ITPRID2: variants seen among roughly 807,000 people sequenced by gnomAD.
ITPRID2 encodes the protein protein ITPRID2.
Under a neutral mutation model 124.3 loss-of-function variants are expected in ITPRID2, and 60 were observed. The observed-to-expected ratio is 0.48, with a 90% CI of 0.39 to 0.60. ITPRID2 has a LOEUF of 0.60. Ranked by LOEUF, ITPRID2 falls within the 20% of genes least tolerant of loss-of-function variation. The probability of loss-of-function intolerance (pLI) is 0.00; values close to 1 mark genes in which losing one functional copy is unlikely to be tolerated. For synonymous variants in ITPRID2, 521 were observed against 542.9 expected, an observed-to-expected ratio of 0.96 and a Z score of 0.56; for missense variants, 1,553 against 1,512.2, an observed-to-expected ratio of 1.03 and a Z score of -0.45.
Position 181,929,952 on chromosome 2 carries a change from A to G in ITPRID2, c.*405A>G, listed in dbSNP as rs1057252370. 2.2e-5 allele frequency: 4 copies of G among 180,610 alleles called. No individual in the cohort carries two copies. Among genetic ancestry groups the G allele is most frequent in the African/African-American group, 9.4e-5 (4 of 42,698 alleles). The allele number at this position is 180,610 out of a possible 1,614,324, so 11.2% of individuals were successfully genotyped here. On this transcript the variant is annotated 3_prime_UTR_variant, in exon 18 of 18. Transcript: ENST00000431877. ...GTATTTACTGTGCAATAACTGATTC[A>G]TTTTTTTCAGAGCTTGAAGCATCCA...
rs1485579915 is a variant in ITPRID2 at position 181,916,289 on chromosome 2, C to T, written c.2649C>T (p.Ser883=). ...GGGCTACTTGTAGTGCCTTCGCTTC[C>T]CCTTTCGGGTGTCCTTACTCACATA... ...ISGATCSAFA[S]PFGCPYSHRH... is the part of the protein sequence containing the mutation. The change falls in exon 11 of 18, where the codon TCC becomes TCT. Residue 883 remains serine, a synonymous_variant. Coordinates refer to ENST00000431877, the MANE Select transcript of ITPRID2 (RefSeq NM_001130445.3). 1 of 1,614,058 alleles carries T rather than the reference C, an allele frequency of 6.2e-7. No individual in the cohort carries two copies. Among genetic ancestry groups the T allele is most frequent in the Middle Eastern group, 1.6e-4 (1 of 6,084 alleles).
In ITPRID2 at chr2:181,900,718, T is replaced by C; in HGVS notation, c.526T>C (p.Tyr176His). The C allele has an allele frequency of 6.2e-7, 1 of 1,608,340 alleles. No individual in the cohort carries two copies. Among genetic ancestry groups the C allele is most frequent in the Admixed American group, 1.7e-5 (1 of 59,052 alleles). The change falls in exon 7 of 18, where the codon TAT (tyrosine) becomes CAT (histidine). Residue 176 changes from tyrosine to histidine, a missense_variant. Physicochemically the swap from Tyr to His is moderately conservative, Grantham distance 83. Transcript: ENST00000431877. ...VSSVSELLEL[Y>H]EEDPEEILYN... ...TAGTGTTTCAGAATTGTTGGAACTTTATGAGGAAGATCCTGAAGAAATTCT... is the reference window on the plus strand; with the variant it reads ...TAGTGTTTCAGAATTGTTGGAACTTCATGAGGAAGATCCTGAAGAAATTCT...
chr2:181,929,239 A>C (rs1471196888), intron 17 of ITPRID2, among the ~76,000 whole-genome samples: 1 of 151,824 alleles, frequency 6.6e-6, no homozygotes, highest in Non-Finnish European at 1.5e-5. Flanking sequence ...AAAAGAAAGA[A>C]TAAGTTGAGT....
chr2:181,924,972 GA>G (rs1694740379), intron 16 of ITPRID2, among the ~76,000 whole-genome samples: 1 of 152,210 alleles, frequency 6.6e-6, no homozygotes, highest in Non-Finnish European at 1.5e-5. Context: ...TTAATAGGAT[GA>G]ATGAATACAT....
intron 10 of ITPRID2, 60 bp downstream of exon 10, chr2:181,913,993 G>A: frequency 9.1e-7 from 1 of 1,096,022 alleles, no homozygotes; most frequent in Non-Finnish European, 1.4e-6. Flanking sequence ...GGTGGTTTTT[G>A]TATTACTATA....
intron 7 of ITPRID2, among the ~76,000 whole-genome samples, chr2:181,901,317 A>C (rs1390754622): frequency 6.6e-6 from 1 of 152,204 alleles, no homozygotes. Context: ...GATTCCAAAA[A>C]TAGGATTCCA....
Position 181,891,793 on chromosome 2 carries a change from G to T in ITPRID2, c.-274G>T. On this transcript the variant is annotated 5_prime_UTR_variant, in exon 1 of 18. Transcript: ENST00000431877. ...AGGGGGTGGGGAGCAGGGGCCGGGCGGGCGCTCGGCTCCCAGCCGCGCTCC... is the reference window on the plus strand; with the variant it reads ...AGGGGGTGGGGAGCAGGGGCCGGGCTGGCGCTCGGCTCCCAGCCGCGCTCC... The T allele has an allele frequency of 4.0e-6, 1 of 249,372 alleles. No individual in the cohort carries two copies. The highest frequency in any genetic ancestry group is 7.6e-6 in the Non-Finnish European group (1 of 131,452). The allele number at this position is 249,372 out of a possible 1,614,324, so 15.4% of individuals were successfully genotyped here.
intron 2 of ITPRID2, among the ~76,000 whole-genome samples, chr2:181,895,563 T>C (rs1333164423): frequency 6.6e-6 from 1 of 151,628 alleles, no homozygotes; most frequent in East Asian, 1.9e-4. Context: ...ACAGATGAGG[T>C]TTAAGGAAAC....
In ITPRID2 at chr2:181,892,458, A is replaced by T. The variant is rs1354005034; in HGVS notation, c.212-157A>T. The T allele has an allele frequency of 8.7e-7, 1 of 1,146,784 alleles. No homozygotes were observed. Among genetic ancestry groups the T allele is most frequent in the Non-Finnish European group, 1.3e-6 (1 of 793,740 alleles). 71.0% of individuals were successfully genotyped at this position (1,146,784 alleles called of 1,614,324 possible). A position where few individuals can be genotyped will look rare whatever the true frequency, so the allele number is the denominator to read the frequency against. On this transcript the variant is annotated intron_variant, in intron 1 of 17. Coordinates refer to ENST00000431877, the MANE Select transcript of ITPRID2 (RefSeq NM_001130445.3). The surrounding 1 kb of genome is among the most constrained non-coding windows in gnomAD (Gnocchi z 5.2). ...GGCGCCCCCAGCGTCAACACAGACA[A>T]CTGGGTGCCATCCGATTTCCCTGCC...
At position 181,900,667 on chromosome 2, in the gene ITPRID2, G is replaced by A. The variant is rs777279788; in HGVS notation, c.504-29G>A. ...CTATCAATTTATTTTATATTTTCAT[G>A]TTTCCTTTTTTGCCCCCTTTTTTTG... On this transcript the variant is annotated intron_variant, in intron 6 of 17. Transcript: ENST00000431877. 25 of 1,479,742 alleles carry A rather than the reference G, an allele frequency of 1.7e-5. No homozygotes were observed. In the Middle Eastern group the frequency reaches 5.3e-4, roughly 31 times the overall value. The allele number at this position is 1,479,742 out of a possible 1,614,324, so 91.7% of individuals were successfully genotyped here. A position where few individuals can be genotyped will look rare whatever the true frequency, so the allele number is the denominator to read the frequency against.
intron 16 of ITPRID2, among the ~76,000 whole-genome samples, chr2:181,925,994 C>T (rs747521032): frequency 4.6e-5 from 7 of 152,114 alleles, no homozygotes; most frequent in African/African-American, 7.2e-5. Context: ...ATGAAACCGA[C>T]GAGGTGTGGT....
At chr2:181,924,006 T>C (rs1694676441) in intron 16 of ITPRID2, among the ~76,000 whole-genome samples, 1 of 152,218 alleles carries the variant, frequency 6.6e-6, no homozygotes, top group South Asian at 2.1e-4. Context: ...TTTTATAATT[T>C]GCAAACACTT....
chr2:181,908,865 T>C (rs532660127), intron 8 of ITPRID2, among the ~76,000 whole-genome samples: 17 of 152,342 alleles, frequency 1.1e-4, no homozygotes, highest in Non-Finnish European at 2.5e-4. Flanking sequence ...TGATTTTTTT[T>C]TTCAAGGTTG....
chr2:181,927,120 T>C (rs1694922351), intron 16 of ITPRID2, among the ~76,000 whole-genome samples: 1 of 152,204 alleles, frequency 6.6e-6, no homozygotes, highest in African/African-American at 2.4e-5. Context: ...TATAAATCTA[T>C]GTATTGTGTA....
chr2:181,913,756 G>C, intron 9 of ITPRID2, 89 bp from the exon 10 acceptor site: 1 of 828,970 alleles, frequency 1.2e-6, no homozygotes, highest in Non-Finnish European at 1.9e-6. Flanking sequence ...TCATATCTCT[G>C]TAGTAATATT....
intron 7 of ITPRID2, 92 bp from the exon 8 acceptor site, chr2:181,901,674 T>C (rs1332353884): frequency 1.1e-6 from 1 of 915,218 alleles, no homozygotes; most frequent in African/African-American, 1.7e-5. Context: ...CTAAGTGTAG[T>C]TTTTGGAATT....
rs761058424 is a variant in ITPRID2 at position 181,920,578 on chromosome 2, A to G, written c.3145-19A>G. The G allele has an allele frequency of 3.8e-6, 6 of 1,592,478 alleles. No individual in the cohort carries two copies. The highest frequency in any genetic ancestry group is 3.3e-5 in the Admixed American group (2 of 59,922). ...TATACACACACATATACATATATATATTGTTCTTACCTTTTCAGGGAATGT... is the reference window on the plus strand; with the variant it reads ...TATACACACACATATACATATATATGTTGTTCTTACCTTTTCAGGGAATGT... On this transcript the variant is annotated intron_variant, in intron 14 of 17. Transcript: ENST00000431877.
In ITPRID2 at chr2:181,916,146, C is replaced by T. The variant is rs914435720; in HGVS notation, c.2506C>T (p.Pro836Ser). 2 of 1,614,238 alleles carry T rather than the reference C, an allele frequency of 1.2e-6. No individual in the cohort carries two copies. Among genetic ancestry groups the T allele is most frequent in the African/African-American group, 1.3e-5 (1 of 75,064 alleles). Reference protein sequence around the residue: ...GRTPTCSRLAPPPMSQSTCSL... With the variant: ...GRTPTCSRLASPPMSQSTCSL... ...GACTCCTACCTGTTCACGGCTTGCT[C>T]CACCACCAATGTCTCAGTCTACCTG... The change falls in exon 11 of 18, where the codon CCA (proline) becomes TCA (serine). Residue 836 changes from proline to serine, a missense_variant. Coordinates refer to ENST00000431877, the MANE Select transcript of ITPRID2 (RefSeq NM_001130445.3).
At chr2:181,901,360 A>G (rs961605788) in intron 7 of ITPRID2, among the ~76,000 whole-genome samples, 4 of 152,186 alleles carry the variant, frequency 2.6e-5, no homozygotes, top group African/African-American at 9.6e-5. Context: ...GTTTTAAGAG[A>G]TCAATAAATC....
Sources: gnomAD v4.1 joint callset for allele counts (sites outside exome capture counted in the v4.1 genomes callset) on GRCh38, gnomAD v4.1.1 for gene constraint, Gnocchi (gnomAD v3.1) non-coding constraint, MANE v1.5 for transcripts, NCBI Gene and HGNC (gene_info 2026-07-23, HGNC 2026-07-21) for gene names.